GPHN: variants seen among roughly 807,000 people sequenced by gnomAD.
GPHN encodes gephyrin.
Under a neutral mutation model 95.5 loss-of-function variants are expected in GPHN, and 17 were observed. The observed-to-expected ratio is 0.18, with a 90% CI of 0.12 to 0.27. The LOEUF (loss-of-function observed/expected upper bound fraction) is 0.27, where lower values mean the gene tolerates loss of function less well. Ranked by LOEUF, GPHN falls within the 10% of genes least tolerant of loss-of-function variation. GPHN has a pLI of 1.00. For missense variants in GPHN, 660 were observed against 978.1 expected (o/e 0.67, Z 4.34); for synonymous variants, 320 against 322.5 (o/e 0.99, Z 0.08).
At chr14:66,887,664 C>T (rs1206486063) in intron 5 of GPHN, among the ~76,000 whole-genome samples, 1 of 152,146 alleles carries the variant, frequency 6.6e-6, no homozygotes, top group Non-Finnish European at 1.5e-5. Context: ...GGCCTGTCTA[C>T]AGCAGTTCCT....
At chr14:67,109,507 T>C (rs1567344113) in intron 13 of GPHN, among the ~76,000 whole-genome samples, 7 of 152,206 alleles carry the variant, frequency 4.6e-5, no homozygotes, top group Admixed American at 3.3e-4. Flanking sequence ...AAATCTTGTT[T>C]TTCATTTTCA....
chr14:67,685,489 C>T, the GPHN span, among the ~76,000 whole-genome samples: 1 of 152,128 alleles, frequency 6.6e-6, no homozygotes, highest in South Asian at 2.1e-4. Flanking sequence ...ACATCGTTGA[C>T]CACCCCCTTC....
chr14:67,264,220 C>T, the GPHN span, among the ~76,000 whole-genome samples: 522 of 152,196 alleles, frequency 3.4e-3, 2 homozygotes, highest in African/African-American at 0.012. Context: ...CCTGTCTCCT[C>T]GTTTGTCATT....
At chr14:67,578,217 G>A in the GPHN span, 2 of 1,609,594 alleles carry the variant, frequency 1.2e-6, no homozygotes, top group Non-Finnish European at 8.5e-7. The surrounding 1 kb of genome is among the most constrained non-coding windows in gnomAD (Gnocchi z 5.0). Context: ...TGCCAGGGGT[G>A]GAGCAGCTGA....
the GPHN span, among the ~76,000 whole-genome samples, chr14:67,519,289 G>C: frequency 2.9e-3 from 437 of 152,350 alleles, 5 homozygotes; most frequent in African/African-American, 9.9e-3. Flanking sequence ...AAAAGAATAT[G>C]ATCAGATGGC....
the GPHN span, chr14:67,533,337 C>A: frequency 6.6e-6 from 1 of 151,322 alleles, no homozygotes; most frequent in Non-Finnish European, 1.5e-5. Context: ...TCGGCTGCGG[C>A]GGCGGCCCGA....
intron 1 of GPHN, among the ~76,000 whole-genome samples, chr14:66,511,665 T>A (rs2058044599): frequency 6.6e-6 from 1 of 152,100 alleles, no homozygotes; most frequent in South Asian, 2.1e-4. Flanking sequence ...GCAAATTTAG[T>A]ACATAGTCTG....
At chr14:67,236,775 ATTATT>A in the GPHN span, among the ~76,000 whole-genome samples, 9 of 150,718 alleles carry the variant, frequency 6.0e-5, no homozygotes, top group African/African-American at 2.2e-4. Flanking sequence ...TTGTTATTTT[ATTATT>A]TTATTTTATT....
the GPHN span, among the ~76,000 whole-genome samples, chr14:67,235,815 A>G: frequency 6.6e-6 from 1 of 152,158 alleles, no homozygotes; most frequent in African/African-American, 2.4e-5. Context: ...ATGATAAATG[A>G]TTGACATTCT....
the GPHN span, chr14:67,338,014 C>T: frequency 6.6e-6 from 1 of 152,204 alleles, no homozygotes; most frequent in Non-Finnish European, 1.5e-5. Context: ...CTGGCTGACA[C>T]TACTGATCTG....
the GPHN span, chr14:67,350,504 C>G: frequency 9.0e-6 from 8 of 885,146 alleles, no homozygotes; most frequent in African/African-American, 3.4e-5. Context: ...ATTACTATAT[C>G]ATTTGTCCTT....
chr14:67,618,303 G>T, the GPHN span, among the ~76,000 whole-genome samples: 1 of 152,126 alleles, frequency 6.6e-6, no homozygotes, highest in African/African-American at 2.4e-5. Flanking sequence ...TGGGGCCCAA[G>T]AATTTGCACT....
intron 3 of GPHN, among the ~76,000 whole-genome samples, chr14:66,795,103 G>C (rs10149760): frequency 2.4e-4 from 37 of 152,068 alleles, no homozygotes; most frequent in Middle Eastern, 6.8e-3. Flanking sequence ...AAAATAAATA[G>C]ATAGACAGAT....
At chr14:67,400,098 T>C in the GPHN span, among the ~76,000 whole-genome samples, 1 of 152,200 alleles carries the variant, frequency 6.6e-6, no homozygotes, top group Non-Finnish European at 1.5e-5. Context: ...CTAAGAGCTG[T>C]TAGAGAGCCA....
chr14:67,211,262 G>T, the GPHN span, among the ~76,000 whole-genome samples: 1 of 152,046 alleles, frequency 6.6e-6, no homozygotes, highest in African/African-American at 2.4e-5. Context: ...AAATATAGGT[G>T]GGAGGAAGGA....
intron 3 of GPHN, among the ~76,000 whole-genome samples, chr14:66,812,079 A>G (rs1218880476): frequency 6.6e-6 from 1 of 152,178 alleles, no homozygotes; most frequent in Non-Finnish European, 1.5e-5. Context: ...GTTTGGGAAA[A>G]CTATAGCTAC....
At chr14:67,188,782 C>T in the GPHN span, among the ~76,000 whole-genome samples, 2 of 150,920 alleles carry the variant, frequency 1.3e-5, no homozygotes, top group Non-Finnish European at 3.0e-5. Context: ...CTTTTCCTTC[C>T]TTCCTTCCTT....
At chr14:67,484,032 C>A in the GPHN span, among the ~76,000 whole-genome samples, 5 of 152,336 alleles carry the variant, frequency 3.3e-5, no homozygotes, top group Non-Finnish European at 7.3e-5. Context: ...CTGTATGTGG[C>A]TGCCTTGCTG....
At chr14:66,675,165 C>CTTTTTT (rs2066514807) in intron 1 of GPHN, among the ~76,000 whole-genome samples, 1 of 94,338 alleles carries the variant, frequency 1.1e-5, no homozygotes, top group African/African-American at 6.6e-5. Context: ...TTTTTTTTGA[C>CTTTTTT]GGAGTTTTAC....
Sources: allele counts gnomAD v4.1 joint callset (sites outside exome capture counted in the v4.1 genomes callset), GRCh38; gene constraint gnomAD v4.1.1; non-coding constraint Gnocchi (gnomAD v3.1); transcripts MANE v1.5; gene names NCBI Gene and HGNC (gene_info 2026-07-23, HGNC 2026-07-21).